The following EYS variants were observed in gnomAD, a reference collection of about 807,000 sequenced individuals.
EYS encodes the protein protein eyes shut homolog.
Under a neutral mutation model 282.1 loss-of-function variants are expected in EYS, and 250 were observed. The ratio of observed to expected loss-of-function variants is 0.89; its 90% CI spans 0.80 to 0.98. The LOEUF (loss-of-function observed/expected upper bound fraction) is 0.98, where lower values mean the gene tolerates loss of function less well. Ranked by LOEUF, EYS falls within the 50% of genes least tolerant of loss-of-function variation. EYS has a pLI of 0.00. For synonymous variants in EYS, 1,355 were observed against 1,282.9 expected, an observed-to-expected ratio of 1.06 and a Z score of -1.20; for missense variants, 4,016 against 3,709.0, an observed-to-expected ratio of 1.08 and a Z score of -2.15.
chr6:63,828,159 T>C (rs1771527217), intron 36 of EYS, among the ~76,000 whole-genome samples: 1 of 152,090 alleles, frequency 6.6e-6, no homozygotes, highest in South Asian at 2.1e-4. Flanking sequence ...AGTCTAAGGT[T>C]ACACCTCAAG....
intron 31 of EYS, among the ~76,000 whole-genome samples, chr6:64,192,860 C>T (rs1327814601): frequency 6.6e-6 from 1 of 152,126 alleles, no homozygotes; most frequent in African/African-American, 2.4e-5. Context: ...ATTGCCCTTG[C>T]ATAATTTGTT....
intron 22 of EYS, among the ~76,000 whole-genome samples, chr6:64,773,493 A>G (rs1156435150): frequency 3.3e-5 from 5 of 151,848 alleles, no homozygotes; most frequent in Admixed American, 3.3e-4. Flanking sequence ...GATATGCTCA[A>G]TAATGGGATT....
At chr6:63,797,645 T>C (rs1273769141) in intron 37 of EYS, 1 of 152,236 alleles carries the variant, frequency 6.6e-6, no homozygotes, top group East Asian at 1.9e-4. Flanking sequence ...TTTGAGAGCA[T>C]TAGAACCATG....
At chr6:65,585,571 C>T (rs1156330314) in intron 2 of EYS, among the ~76,000 whole-genome samples, 1 of 151,744 alleles carries the variant, frequency 6.6e-6, no homozygotes, top group Non-Finnish European at 1.5e-5. Flanking sequence ...CAATGCAATT[C>T]AGTATATTAT....
chr6:65,419,428 C>A (rs1292755419), intron 5 of EYS, among the ~76,000 whole-genome samples: 1 of 151,182 alleles, frequency 6.6e-6, no homozygotes, highest in African/African-American at 2.4e-5. Context: ...TTGAAAACAC[C>A]AATAACAAAA....
At chr6:64,166,425 A>T (rs909255822) in intron 31 of EYS, among the ~76,000 whole-genome samples, 5 of 152,228 alleles carry the variant, frequency 3.3e-5, no homozygotes, top group African/African-American at 1.2e-4. Flanking sequence ...TCACACATTT[A>T]ATCAAATACA....
At chr6:64,121,612 A>G (rs1335919984) in intron 31 of EYS, among the ~76,000 whole-genome samples, 1 of 152,210 alleles carries the variant, frequency 6.6e-6, no homozygotes, top group Non-Finnish European at 1.5e-5. Context: ...CAGAAGACTT[A>G]AATTTATCTC....
At chr6:64,100,576 T>A (rs189736009) in intron 31 of EYS, among the ~76,000 whole-genome samples, 8 of 152,312 alleles carry the variant, frequency 5.3e-5, no homozygotes, top group Admixed American at 3.3e-4. Flanking sequence ...GTGGTTTTTT[T>A]ATTGATATTT....
chr6:64,115,777 A>G (rs1456792945), intron 31 of EYS, among the ~76,000 whole-genome samples: 2 of 152,186 alleles, frequency 1.3e-5, no homozygotes, highest in Non-Finnish European at 2.9e-5. Flanking sequence ...GATAAATAAA[A>G]ATCAAAGAAA....
At chr6:64,821,843 C>T (rs2150022113) in intron 20 of EYS, 120 bp from the exon 21 acceptor site, 1 of 527,266 alleles carries the variant, frequency 1.9e-6, no homozygotes, top group South Asian at 3.3e-5. Flanking sequence ...CTCCCATGAG[C>T]AATACAAAGC....
intron 36 of EYS, among the ~76,000 whole-genome samples, chr6:63,841,199 T>C (rs962844972): frequency 1.3e-5 from 2 of 152,210 alleles, no homozygotes; most frequent in Admixed American, 1.3e-4. Flanking sequence ...AATTCTATAC[T>C]TAAGTTATCT....
intron 19 of EYS, among the ~76,000 whole-genome samples, chr6:64,872,921 A>C (rs776547262): frequency 4.6e-5 from 7 of 152,046 alleles, no homozygotes; most frequent in Non-Finnish European, 7.4e-5. Flanking sequence ...CAATATGCTC[A>C]CATGATTAAA....
rs73437260 is a variant in EYS at position 65,012,397 on chromosome 6, T to C, written c.2138-14694A>G. Among the ~76,000 whole-genome samples, 1,226 of 152,306 alleles carry C rather than the reference T, an allele frequency of 8.0e-3. 17 individuals carry two copies. Among genetic ancestry groups the C allele is most frequent in the African/African-American group, 0.028 (1,145 of 41,560 alleles). Reference sequence around the variant, plus strand: ...AAGTACTTAAAAATAAGGCTACTTATTCACTAAAATGTACAGTACATAGGT... The same window carrying C: ...AAGTACTTAAAAATAAGGCTACTTACTCACTAAAATGTACAGTACATAGGT... On this transcript the variant is annotated intron_variant, in intron 13 of 42. Coordinates refer to ENST00000503581, the MANE Select transcript of EYS (RefSeq NM_001142800.2).
At chr6:65,494,240 A>AT (rs537953728) in intron 4 of EYS, among the ~76,000 whole-genome samples, 13 of 151,446 alleles carry the variant, frequency 8.6e-5, no homozygotes, top group African/African-American at 3.1e-4. Context: ...AATCTATTAA[A>AT]TTTTTTATTT....
In EYS at chr6:65,082,007, C is replaced by A. The variant is rs149311976; in HGVS notation, c.2024-24280G>T. ...TAATTTCTCAAACTGTCCATGGAAC[C>A]AATTTCTACTGATCTCTAAGTCATA... On this transcript the variant is annotated intron_variant, in intron 12 of 42. Coordinates refer to ENST00000503581, the MANE Select transcript of EYS (RefSeq NM_001142800.2). 7.5e-4 allele frequency among the ~76,000 whole-genome samples: 114 copies of A among 152,106 alleles called. 2 individuals are homozygous for A. In the East Asian group the frequency reaches 0.017, roughly 23 times the overall value.
intron 22 of EYS, among the ~76,000 whole-genome samples, chr6:64,803,052 G>A (rs184853144): frequency 4.7e-4 from 72 of 152,302 alleles, no homozygotes; most frequent in African/African-American, 1.7e-3. Context: ...CCCACATCTG[G>A]ACGAGGGGAA....
intron 5 of EYS, among the ~76,000 whole-genome samples, chr6:65,451,064 T>C (rs1764378060): frequency 6.6e-6 from 1 of 152,144 alleles, no homozygotes; most frequent in Admixed American, 6.6e-5. Context: ...AATTATAAAC[T>C]ACTGGTATTA....
intron 12 of EYS, among the ~76,000 whole-genome samples, chr6:65,106,541 G>T (rs60780746): frequency 5.3e-5 from 8 of 151,974 alleles, no homozygotes; most frequent in Non-Finnish European, 8.8e-5. Flanking sequence ...GCATACCTAC[G>T]TGAGCATTAA....
At chr6:64,694,472 G>A (rs141362952) in intron 22 of EYS, among the ~76,000 whole-genome samples, 15 of 152,266 alleles carry the variant, frequency 9.9e-5, no homozygotes, top group South Asian at 8.3e-4. Context: ...CTAAGCCCTC[G>A]GTCTGACCTG....
Sources: allele counts gnomAD v4.1 joint callset (sites outside exome capture counted in the v4.1 genomes callset), GRCh38; gene constraint gnomAD v4.1.1; transcripts MANE v1.5; gene names NCBI Gene and HGNC (gene_info 2026-07-23, HGNC 2026-07-21).